The following PRKCH variants were observed in gnomAD, a reference collection of about 807,000 sequenced individuals.
The protein encoded by PRKCH is protein kinase C eta.
In PRKCH, 28 loss-of-function variants were observed where a neutral mutation model predicts 82.5. That is an observed-to-expected ratio of 0.34 (90% CI 0.25 to 0.47). The LOEUF is 0.47. Ranked by LOEUF, PRKCH falls within the 20% of genes least tolerant of loss-of-function variation. PRKCH has a pLI of 1.00. For missense variants in PRKCH, 705 were observed against 881.8 expected (o/e 0.80, Z 2.54); for synonymous variants, 322 against 327.4 (o/e 0.98, Z 0.18).
At chr14:61,240,706 T>C (rs1225267291) in intron 1 of PRKCH, among the ~76,000 whole-genome samples, 1 of 151,990 alleles carries the variant, frequency 6.6e-6, no homozygotes, top group Non-Finnish European at 1.5e-5. Context: ...CCTGTATTAA[T>C]AGGTGGCCAT....
intron 2 of PRKCH, among the ~76,000 whole-genome samples, chr14:61,392,806 T>C (rs2046704799): frequency 1.3e-5 from 2 of 151,924 alleles, no homozygotes; most frequent in Non-Finnish European, 2.9e-5. Context: ...GATCTCTCTG[T>C]CATAGGATCA....
chr14:61,503,974 A>C (rs1887030382), intron 10 of PRKCH, among the ~76,000 whole-genome samples: 1 of 152,168 alleles, frequency 6.6e-6, no homozygotes, highest in Non-Finnish European at 1.5e-5. Flanking sequence ...TCAAGATAAA[A>C]ACTCATCAGA....
chr14:61,529,905 TAAA>T (rs10545403), intron 11 of PRKCH, among the ~76,000 whole-genome samples: 1 of 135,860 alleles, frequency 7.4e-6, no homozygotes, highest in Non-Finnish European at 1.6e-5. Flanking sequence ...TAAAGTATAA[TAAA>T]AAAAAATATA....
intron 7 of PRKCH, among the ~76,000 whole-genome samples, chr14:61,455,131 G>A (rs974847257): frequency 6.6e-6 from 1 of 151,120 alleles, no homozygotes; most frequent in Non-Finnish European, 1.5e-5. Flanking sequence ...CCTGGTTCAC[G>A]CCATTCTCCT....
intron 1 of PRKCH, among the ~76,000 whole-genome samples, chr14:61,198,650 C>T (rs112564305): frequency 0.024 from 3,638 of 152,206 alleles, 134 homozygotes; most frequent in African/African-American, 0.081. Flanking sequence ...TTCAACAAAC[C>T]TTTTTCTTTG....
intron 2 of PRKCH, among the ~76,000 whole-genome samples, chr14:61,428,090 C>CACACACATATATATAT (rs1284350678): frequency 1.7e-5 from 2 of 117,028 alleles, no homozygotes; most frequent in Admixed American, 8.5e-5. Flanking sequence ...CACACACACA[C>CACACACATATATATAT]ACACACATAT....
chr14:61,396,001 G>C (rs1234951651), intron 2 of PRKCH, among the ~76,000 whole-genome samples: 1 of 151,004 alleles, frequency 6.6e-6, no homozygotes, highest in Non-Finnish European at 1.5e-5. Flanking sequence ...GATTGCCTGA[G>C]CCTGGGAAGT....
At chr14:61,476,102 C>T (rs1390921894) in intron 9 of PRKCH, among the ~76,000 whole-genome samples, 1 of 152,194 alleles carries the variant, frequency 6.6e-6, no homozygotes, top group Non-Finnish European at 1.5e-5. Flanking sequence ...TAACTATGGG[C>T]AAGGTACTTC....
chr14:61,493,553 G>A (rs1300953560), intron 10 of PRKCH, among the ~76,000 whole-genome samples: 1 of 152,136 alleles, frequency 6.6e-6, no homozygotes, highest in Non-Finnish European at 1.5e-5. Context: ...CTAAAAATCA[G>A]CATTCCATTA....
At chr14:61,514,663 C>T (rs1456140599) in intron 10 of PRKCH, among the ~76,000 whole-genome samples, 1 of 152,146 alleles carries the variant, frequency 6.6e-6, no homozygotes, top group African/African-American at 2.4e-5. Flanking sequence ...CTGGCCAAAC[C>T]CAATGGTCAG....
chr14:61,266,948 T>A (rs1277986172), intron 1 of PRKCH, among the ~76,000 whole-genome samples: 1 of 151,950 alleles, frequency 6.6e-6, no homozygotes, highest in Admixed American at 6.6e-5. Flanking sequence ...GGTGGGATGG[T>A]AGAGGGTGGG....
intron 2 of PRKCH, among the ~76,000 whole-genome samples, chr14:61,402,556 G>A (rs1469998891): frequency 6.6e-6 from 1 of 152,168 alleles, no homozygotes; most frequent in Non-Finnish European, 1.5e-5. Flanking sequence ...CAGCACTTTG[G>A]GAGGCCGAGG....
At chr14:61,459,074 CA>C (rs1245427776) in intron 9 of PRKCH, among the ~76,000 whole-genome samples, 1 of 152,176 alleles carries the variant, frequency 6.6e-6, no homozygotes, top group Non-Finnish European at 1.5e-5. Context: ...TATTTAGAAT[CA>C]GGCTCAAAAT....
At chr14:61,392,418 T>C (rs1318011832) in intron 2 of PRKCH, among the ~76,000 whole-genome samples, 1 of 152,196 alleles carries the variant, frequency 6.6e-6, no homozygotes, top group Non-Finnish European at 1.5e-5. Flanking sequence ...ATTAACACTT[T>C]CTATGGCCAT....
At chr14:61,239,998 A>G (rs1042601217) in intron 1 of PRKCH, among the ~76,000 whole-genome samples, 2 of 152,212 alleles carry the variant, frequency 1.3e-5, no homozygotes, top group African/African-American at 4.8e-5. Flanking sequence ...TTATGCATCC[A>G]GCAAACCAAC....
intron 13 of PRKCH, among the ~76,000 whole-genome samples, chr14:61,549,398 G>T (rs2043299065): frequency 6.6e-6 from 1 of 152,224 alleles, no homozygotes; most frequent in South Asian, 2.1e-4. Context: ...GAGTGAGCCA[G>T]CTGCTTTTGG....
At chr14:61,546,677 G>A (rs1447791103) in intron 12 of PRKCH, among the ~76,000 whole-genome samples, 2 of 152,124 alleles carry the variant, frequency 1.3e-5, no homozygotes, top group Admixed American at 1.3e-4. Context: ...TATAAACACA[G>A]CATTACTTTT....
At chr14:61,500,421 C>T (rs1886853314) in intron 10 of PRKCH, among the ~76,000 whole-genome samples, 1 of 152,030 alleles carries the variant, frequency 6.6e-6, no homozygotes, top group African/African-American at 2.4e-5. Context: ...TGGTCTCAAA[C>T]TCCTGGGCTC....
At chr14:61,458,918 G>T (rs747685166) in intron 9 of PRKCH, among the ~76,000 whole-genome samples, 5 of 152,186 alleles carry the variant, frequency 3.3e-5, no homozygotes, top group African/African-American at 4.8e-5. Context: ...TTCAACATGA[G>T]ATCTGGGTGG....
Sources: allele counts gnomAD v4.1 joint callset (sites outside exome capture counted in the v4.1 genomes callset), GRCh38; gene constraint gnomAD v4.1.1; transcripts MANE v1.5; gene names NCBI Gene and HGNC (gene_info 2026-07-23, HGNC 2026-07-21).